SUGCT: variants seen among roughly 807,000 people sequenced by gnomAD.
The protein encoded by SUGCT is succinyl-CoA:glutarate-CoA transferase.
SUGCT carries 41 observed loss-of-function variants against 55.0 expected under a neutral mutation model. The ratio of observed to expected loss-of-function variants is 0.74; its 90% CI spans 0.58 to 0.97. The LOEUF is 0.97. Ranked by LOEUF, SUGCT falls within the 50% of genes least tolerant of loss-of-function variation. SUGCT has a pLI of 0.00. For missense variants in SUGCT, 568 were observed against 547.8 expected (o/e 1.04, Z -0.37); for synonymous variants, 187 against 200.4 (o/e 0.93, Z 0.56).
At chr7:40,301,131 G>C (rs1465286777) in intron 8 of SUGCT, among the ~76,000 whole-genome samples, 1 of 151,978 alleles carries the variant, frequency 6.6e-6, no homozygotes. Context: ...TAAGTCACTG[G>C]GTTTTATAGT....
intron 12 of SUGCT, among the ~76,000 whole-genome samples, chr7:40,708,705 A>T (rs1253206130): frequency 2.0e-5 from 3 of 152,062 alleles, no homozygotes; most frequent in Admixed American, 2.0e-4. Flanking sequence ...CTTCCGCCTG[A>T]GCACTCTAGA....
chr7:40,834,262 G>A (rs1414783203), intron 13 of SUGCT, among the ~76,000 whole-genome samples: 1 of 151,426 alleles, frequency 6.6e-6, no homozygotes, highest in Non-Finnish European at 1.5e-5. Flanking sequence ...TAGGCTGGGG[G>A]GTGGGTGGGG....
chr7:40,259,540 G>GT (rs1431269782), intron 7 of SUGCT, among the ~76,000 whole-genome samples: 7 of 152,252 alleles, frequency 4.6e-5, no homozygotes, highest in African/African-American at 1.7e-4. Context: ...ATGTGCATAT[G>GT]TTTCAAAATA....
At chr7:40,743,339 T>C (rs141289521) in intron 12 of SUGCT, among the ~76,000 whole-genome samples, 1 of 152,314 alleles carries the variant, frequency 6.6e-6, no homozygotes, top group East Asian at 1.9e-4. Flanking sequence ...CCAACTTCTA[T>C]AAAATAAAGA....
At chr7:40,752,138 G>C (rs1788044836) in intron 13 of SUGCT, among the ~76,000 whole-genome samples, 1 of 152,060 alleles carries the variant, frequency 6.6e-6, no homozygotes, top group Non-Finnish European at 1.5e-5. Context: ...TATAGTTTGG[G>C]CTCAGCTGGG....
chr7:40,512,553 C>T (rs79383535), intron 12 of SUGCT, among the ~76,000 whole-genome samples: 5 of 152,152 alleles, frequency 3.3e-5, no homozygotes, highest in African/African-American at 1.2e-4. Context: ...CTATATGCCT[C>T]AGTTTTCTTT....
intron 6 of SUGCT, among the ~76,000 whole-genome samples, chr7:40,235,261 G>A (rs1462946269): frequency 6.6e-6 from 1 of 151,928 alleles, no homozygotes; most frequent in East Asian, 1.9e-4. Context: ...TAGATTAATT[G>A]GTGATTATCA....
At chr7:40,270,675 T>G (rs1791943449) in intron 7 of SUGCT, among the ~76,000 whole-genome samples, 1 of 152,184 alleles carries the variant, frequency 6.6e-6, no homozygotes, top group Non-Finnish European at 1.5e-5. Context: ...GATTGGTTAT[T>G]CTTTGTTTAT....
At chr7:40,369,741 G>A (rs1364277280) in intron 9 of SUGCT, among the ~76,000 whole-genome samples, 1 of 152,168 alleles carries the variant, frequency 6.6e-6, no homozygotes, top group East Asian at 1.9e-4. Context: ...TTACTGGATG[G>A]AAGCCACAGA....
chr7:41,004,759 A>C, the SUGCT span, among the ~76,000 whole-genome samples: 5 of 152,090 alleles, frequency 3.3e-5, no homozygotes, highest in African/African-American at 4.8e-5. Flanking sequence ...GTTACTGTAC[A>C]GTAAAATATT....
At chr7:40,726,419 G>A (rs1321194782) in intron 12 of SUGCT, among the ~76,000 whole-genome samples, 1 of 152,070 alleles carries the variant, frequency 6.6e-6, no homozygotes, top group Non-Finnish European at 1.5e-5. Context: ...TCTTCACATT[G>A]AATAGGCTGA....
At chr7:40,663,061 G>A (rs1029981071) in intron 12 of SUGCT, among the ~76,000 whole-genome samples, 5 of 152,144 alleles carry the variant, frequency 3.3e-5, no homozygotes, top group African/African-American at 9.7e-5. Context: ...AAACAGGCAG[G>A]TTTAGTACTT....
At chr7:40,314,912 G>A (rs938579262) in intron 8 of SUGCT, among the ~76,000 whole-genome samples, 1 of 152,138 alleles carries the variant, frequency 6.6e-6, no homozygotes, top group Non-Finnish European at 1.5e-5. Context: ...AATAGAGCCC[G>A]AAGTGTATAC....
At chr7:40,894,649 G>A in the SUGCT span, among the ~76,000 whole-genome samples, 1 of 152,068 alleles carries the variant, frequency 6.6e-6, no homozygotes, top group African/African-American at 2.4e-5. Context: ...AGTGGACAAA[G>A]GACATGAACA....
intron 9 of SUGCT, among the ~76,000 whole-genome samples, chr7:40,408,253 T>C (rs1786488241): frequency 6.6e-6 from 1 of 152,196 alleles, no homozygotes. Context: ...GAAAATATTC[T>C]TTAGTTACTT....
At chr7:40,972,767 A>G in the SUGCT span, among the ~76,000 whole-genome samples, 4 of 152,190 alleles carry the variant, frequency 2.6e-5, no homozygotes, top group Admixed American at 2.6e-4. Flanking sequence ...GCTACCTCCC[A>G]ACAATAAGCA....
rs732562 is a variant in SUGCT, at chr7:40,594,940, T to C, written c.1089+98554T>C. ...TCAAAGCATCATTTCTATAATAGTT[T>C]AGGAGAAGTTTATGGGCAAAGTCTC... On this transcript the variant is annotated intron_variant, in intron 12 of 13. Coordinates refer to ENST00000335693, the MANE Select transcript of SUGCT (RefSeq NM_001193313.2). Among the ~76,000 whole-genome samples, 496 of 152,318 alleles carry C rather than the reference T, an allele frequency of 3.3e-3. 9 individuals are homozygous for C. The highest frequency in any genetic ancestry group is 0.03 in the East Asian group (158 of 5,186).
chr7:40,316,329 C>G (rs1795430032), intron 8 of SUGCT, among the ~76,000 whole-genome samples: 1 of 152,082 alleles, frequency 6.6e-6, no homozygotes, highest in African/African-American at 2.4e-5. Flanking sequence ...TGGTTCCTGG[C>G]TTTGGTTCAT....
chr7:40,949,094 C>T, the SUGCT span, among the ~76,000 whole-genome samples: 8 of 152,308 alleles, frequency 5.3e-5, no homozygotes, highest in African/African-American at 1.7e-4. Flanking sequence ...ATTCCTAGTT[C>T]TCCACATCCT....
Sources: gnomAD v4.1 joint callset for allele counts (sites outside exome capture counted in the v4.1 genomes callset) on GRCh38, gnomAD v4.1.1 for gene constraint, MANE v1.5 for transcripts, NCBI Gene and HGNC (gene_info 2026-07-23, HGNC 2026-07-21) for gene names.